GABRE: variants seen among roughly 807,000 people sequenced by gnomAD.
The protein encoded by GABRE is gamma-aminobutyric acid receptor subunit epsilon.
A neutral mutation model predicts 31.0 loss-of-function variants in GABRE; 20 were observed. The ratio of observed to expected loss-of-function variants is 0.64; its 90% CI spans 0.45 to 0.94. GABRE has a LOEUF of 0.94. Ranked by LOEUF, GABRE falls within the 40% of genes least tolerant of loss-of-function variation. The pLI, the probability that GABRE is intolerant of heterozygous loss-of-function variation, is 0.00. For missense variants in GABRE, 420 were observed against 410.7 expected, an observed-to-expected ratio of 1.02 and a Z score of -0.20; for synonymous variants, 155 against 150.6, an observed-to-expected ratio of 1.03 and a Z score of -0.21.
At chrX:151,955,253 G>A (rs748094429) in intron 8 of GABRE, 115 bp downstream of exon 8, 3 of 1,193,119 alleles carry the variant, frequency 2.5e-6, no homozygotes, top group Admixed American at 4.6e-5. Context: ...CCACCACCCT[G>A]GGTAACATTC....
intron 5 of GABRE, among the ~76,000 whole-genome samples, chrX:151,960,246 G>A (rs1291409005): frequency 1.7e-4 from 19 of 112,342 alleles, no homozygotes; most frequent in Admixed American, 8.5e-4. Flanking sequence ...TTATAAGACA[G>A]TGAGTATACT....
At chrX:151,966,482 T>C (rs911221662) in intron 3 of GABRE, among the ~76,000 whole-genome samples, 1 of 112,198 alleles carries the variant, frequency 8.9e-6, no homozygotes, top group African/African-American at 3.2e-5. Flanking sequence ...ATGTACCCAA[T>C]GCTGGGACTC....
rs1389338537 is a variant in GABRE at position 151,974,580 on chromosome X, G to A, written c.46C>T (p.Leu16Phe). Reference protein sequence around the residue: ...LPVLLGILLILQSRVEGPQTE... With the variant: ...LPVLLGILLIFQSRVEGPQTE... ...GGGATGGAGACTCACCTCGACTGGA[G>A]GATCAATAAGATGCCTAGGAGGACT... The change falls in exon 1 of 9, where the codon CTC becomes TTC. Residue 16 changes from leucine to phenylalanine, a missense_variant. By Grantham distance (22) the Leu-to-Phe change is conservative. Coordinates refer to ENST00000370328, the MANE Select transcript of GABRE (RefSeq NM_004961.4). The A allele has an allele frequency of 8.5e-7, 1 of 1,175,948 alleles. No homozygotes were observed. Among genetic ancestry groups the A allele is most frequent in the Admixed American group, 2.4e-5 (1 of 42,423 alleles).
intron 2 of GABRE, 21 bp downstream of exon 2, chrX:151,970,164 G>C: frequency 2.5e-6 from 3 of 1,210,398 alleles, no homozygotes; most frequent in Non-Finnish European, 3.4e-6. Flanking sequence ...AGGAGGGGAA[G>C]AACGTCGTTC....
At chrX:151,958,408 T>C (rs1259986800) in intron 6 of GABRE, 1 of 272,068 alleles carries the variant, frequency 3.7e-6, no homozygotes, top group Non-Finnish European at 6.8e-6. Context: ...CTGGAAGAGT[T>C]TGAGACCAGT....
intron 1 of GABRE, chrX:151,972,512 C>T (rs943768148): frequency 3.3e-5 from 25 of 751,510 alleles, no homozygotes; most frequent in African/African-American, 4.7e-5. Context: ...ACCACCTAAA[C>T]GCCTGAAGCA....
At position 151,974,615 on chromosome X, in the gene GABRE, T is replaced by C. The variant is rs761027533; in HGVS notation, c.11A>G (p.Lys4Arg). The change falls in exon 1 of 9, where the codon AAA (lysine) becomes AGA (arginine). Residue 4 changes from lysine to arginine, a missense_variant. By Grantham distance (26) the Lys-to-Arg change is conservative. Transcript: ENST00000370328. The part of the protein sequence containing the change: MLS[K>R]VLPVLLGILL... ...GATGCCTAGGAGGACTGGAAGAACT[T>C]TGGACAACATTTCCGCGGAGACCGG... The C allele has an allele frequency of 8.5e-6, 10 of 1,174,380 alleles. No individual in the cohort carries two copies. The highest frequency in any genetic ancestry group is 2.4e-5 in the Admixed American group (1 of 42,325).
Position 151,954,988 on chromosome X carries a change from T to C in GABRE, c.1234A>G (p.Thr412Ala). The change falls in exon 9 of 9, where the codon ACT becomes GCT. Residue 412 changes from threonine to alanine, a missense_variant. Transcript: ENST00000370328. The part of the protein sequence containing the change: ...QEAFVCQIVT[T>A]EGSDGEERPS... ...CGCTCCTCTCCATCACTTCCCTCAGTGGTGACAATCTGGCACACAAAAGCT... is the reference window on the plus strand; with the variant it reads ...CGCTCCTCTCCATCACTTCCCTCAGCGGTGACAATCTGGCACACAAAAGCT... 1 of 1,206,126 alleles carries C rather than the reference T, an allele frequency of 8.3e-7. No individual in the cohort carries two copies. The highest frequency in any genetic ancestry group is 3.0e-5 in the East Asian group (1 of 33,680).
chrX:151,955,768 T>C lies in GABRE; in HGVS notation c.877A>G (p.Met293Val), dbSNP rs1468051252. 2.5e-6 allele frequency: 3 copies of C among 1,210,421 alleles called. No homozygotes were observed. The highest frequency in any genetic ancestry group is 3.5e-5 in the African/African-American group (2 of 57,208). ...ATCCAAAAGGAAACCCAGGAGAGCA[T>C]CGTGGTCACGGAAGAAGGGACATAG... ...QNYVPSSVTTMLSWVSFWIKT... is the reference protein window; with the variant it reads ...QNYVPSSVTTVLSWVSFWIKT... Residue 293 changes from methionine to valine, a missense_variant, in exon 7 of 9, where the codon ATG becomes GTG. Coordinates refer to ENST00000370328, the MANE Select transcript of GABRE (RefSeq NM_004961.4).
Position 151,953,635 on chromosome X carries a change from C to T in GABRE, c.*1066G>A, listed in dbSNP as rs1476006585. Reference sequence around the variant, plus strand: ...GCTTTGCCAAAGTTCCAGTGCCATACAAATTTAAGGGAATTTGATTGATTG... The same window carrying T: ...GCTTTGCCAAAGTTCCAGTGCCATATAAATTTAAGGGAATTTGATTGATTG... On this transcript the variant is annotated 3_prime_UTR_variant, in exon 9 of 9. Transcript: ENST00000370328. 8.9e-6 allele frequency: 1 copy of T among 112,384 alleles called. No homozygotes were observed. Among genetic ancestry groups the T allele is most frequent in the South Asian group, 3.7e-4 (1 of 2,699 alleles). The allele number at this position is 112,384 out of a possible 1,213,427, so 9.3% of individuals were successfully genotyped here.
chrX:151,972,739 A>C, intron 1 of GABRE: 1 of 620,665 alleles, frequency 1.6e-6, no homozygotes, highest in Non-Finnish European at 1.9e-6. Flanking sequence ...CACAACAATA[A>C]ACAAACAAAA....
At chrX:151,970,158 G>A (rs758674546) in intron 2 of GABRE, 27 bp downstream of exon 2, 2 of 1,209,808 alleles carry the variant, frequency 1.7e-6, no homozygotes, top group Non-Finnish European at 2.2e-6. Flanking sequence ...CCCTCTAGGA[G>A]GGGAAGAACG....
rs1023967780 is a variant in GABRE, at chrX:151,970,036, G to C, written c.274+149C>G. 3 of 1,106,458 alleles carry C rather than the reference G, an allele frequency of 2.7e-6. No individual in the cohort carries two copies. In the African/African-American group the frequency reaches 5.6e-5, roughly 21 times the overall value. The allele number at this position is 1,106,458 out of a possible 1,213,427, so 91.2% of individuals were successfully genotyped here. On this transcript the variant is annotated intron_variant, in intron 2 of 8. Coordinates refer to ENST00000370328, the MANE Select transcript of GABRE (RefSeq NM_004961.4). ...AAGGTCAATGACACTGCTGAGAATA[G>C]AGTTAATATCTCTTACCTGACAGGT...
chrX:151,955,356 C>G lies in GABRE; in HGVS notation c.1137+12G>C, dbSNP rs775923936. The G allele has an allele frequency of 8.3e-7, 1 of 1,211,323 alleles. No individual in the cohort carries two copies. On this transcript the variant is annotated intron_variant, in intron 8 of 8. Coordinates refer to ENST00000370328, the MANE Select transcript of GABRE (RefSeq NM_004961.4). Reference sequence around the variant, plus strand: ...CCAAAGCCTTGCCACCACTCCCATACCCAGCTCATACATGGCGGAGTTTAG... The same window carrying G: ...CCAAAGCCTTGCCACCACTCCCATAGCCAGCTCATACATGGCGGAGTTTAG...
chrX:151,955,834 A>G lies in GABRE; in HGVS notation c.811T>C (p.Phe271Leu). The G allele has an allele frequency of 1.6e-6, 2 of 1,212,202 alleles. No homozygotes were observed. The highest frequency in any genetic ancestry group is 5.9e-5 in the East Asian group (2 of 33,849). Residue 271 changes from phenylalanine (F) to leucine (L), a missense_variant, in exon 7 of 9, where the codon TTC becomes CTC. Physicochemically the swap from Phe to Leu is conservative, Grantham distance 22 (BLOSUM62 0). Transcript: ENST00000370328. ...VGDFMVMTIF[F>L]NVSRRFGYVA... ...TAGCCAAACCGCCTGCTCACATTGAAGAAAATCGTCATGACCATGAAGTCA... is the reference window on the plus strand; with the variant it reads ...TAGCCAAACCGCCTGCTCACATTGAGGAAAATCGTCATGACCATGAAGTCA...
chrX:151,961,724 T>G (rs780841568), intron 4 of GABRE, among the ~76,000 whole-genome samples: 1 of 111,452 alleles, frequency 9.0e-6, no homozygotes, highest in African/African-American at 3.3e-5. Context: ...CCTCACAAAG[T>G]GCTGGGATCA....
At chrX:151,969,838 G>T in intron 2 of GABRE, 102 bp from the exon 3 acceptor site, 1 of 1,128,133 alleles carries the variant, frequency 8.9e-7, no homozygotes, top group Non-Finnish European at 1.2e-6. Context: ...AGTAAGTGTT[G>T]GACCACACAG....
intron 6 of GABRE, chrX:151,957,390 G>C (rs1934206520): frequency 3.1e-6 from 1 of 322,600 alleles, no homozygotes; most frequent in Admixed American, 3.2e-5. Context: ...TATAGCTTTG[G>C]GATAGAACTC....
At chrX:151,971,832 CGT>C (rs752126075) in intron 1 of GABRE, 12,423 of 82,740 alleles carry the variant, frequency 0.15, 695 homozygotes, top group South Asian at 0.27. Flanking sequence ...GAGATGCATG[CGT>C]GTGTGTGTGT....
Sources: allele counts gnomAD v4.1 joint callset (sites outside exome capture counted in the v4.1 genomes callset), GRCh38; gene constraint gnomAD v4.1.1; transcripts MANE v1.5; gene names NCBI Gene and HGNC (gene_info 2026-07-23, HGNC 2026-07-21).